The following RHPN2 variants were observed in gnomAD, a reference collection of about 807,000 sequenced individuals.
The protein encoded by RHPN2 is rhophilin Rho GTPase binding protein 2, also known as rhophilin-2.
In RHPN2, 40 loss-of-function variants were observed where a neutral mutation model predicts 79.0. The ratio of observed to expected loss-of-function variants is 0.51; its 90% CI spans 0.39 to 0.66. RHPN2 has a LOEUF of 0.66. Ranked by LOEUF, RHPN2 falls within the 30% of genes least tolerant of loss-of-function variation. The pLI is 0.00. For synonymous variants in RHPN2, 285 were observed against 363.5 expected (o/e 0.78, Z 2.46); for missense variants, 686 against 883.5 (o/e 0.78, Z 2.83).
chr19:32,996,240 C>T lies in RHPN2; in HGVS notation c.1226-20G>A, dbSNP rs774884481. ...ACTTCCCTGCAGACGGAAGCCAGCA[C>T]CCACGTGACTTGCAGATCCACCAAG... On this transcript the variant is annotated intron_variant, in intron 10 of 14. Transcript: ENST00000254260. 1.2e-6 allele frequency: 2 copies of T among 1,612,948 alleles called. No homozygotes were observed. The highest frequency in any genetic ancestry group is 1.7e-5 in the Admixed American group (1 of 59,970).
chr19:32,997,843 AAG>A (rs920710534), intron 10 of RHPN2, among the ~76,000 whole-genome samples: 3 of 152,168 alleles, frequency 2.0e-5, no homozygotes, highest in Non-Finnish European at 4.4e-5. Context: ...ATTGATGTGA[AAG>A]AGCAGCAGGT....
intron 2 of RHPN2, among the ~76,000 whole-genome samples, chr19:33,035,779 C>G (rs1972050860): frequency 6.6e-6 from 1 of 152,024 alleles, no homozygotes; most frequent in Non-Finnish European, 1.5e-5. Context: ...TCCAGATATC[C>G]CGATATCTGG....
intron 2 of RHPN2, among the ~76,000 whole-genome samples, chr19:33,042,578 G>C (rs1312405828): frequency 1.3e-5 from 2 of 152,168 alleles, no homozygotes; most frequent in South Asian, 2.1e-4. Context: ...AGCTGGAGAA[G>C]AGATTCCCAG....
At chr19:32,983,168 C>A (rs1236668088) in intron 14 of RHPN2, among the ~76,000 whole-genome samples, 1 of 151,288 alleles carries the variant, frequency 6.6e-6, no homozygotes, top group Non-Finnish European at 1.5e-5. Flanking sequence ...CACAAACACA[C>A]ACACACACAC....
chr19:33,034,251 T>TCA (rs1456067838), intron 2 of RHPN2, among the ~76,000 whole-genome samples: 2 of 151,490 alleles, frequency 1.3e-5, no homozygotes, highest in African/African-American at 4.8e-5. Flanking sequence ...GGTGGGCGGA[T>TCA]CACGAGGTCT....
rs959753354 is a variant in RHPN2, at chr19:33,023,400, C to T, written c.315-1754G>A. On this transcript the variant is annotated intron_variant, in intron 3 of 14. Transcript: ENST00000254260. ...AGTGAGCCAAGATCACGCCACTGCA[C>T]TCCAGGCCTGGGCAAAAGAGCGAGA... Among the ~76,000 whole-genome samples the T allele has an allele frequency of 2.7e-5, 4 of 147,520 alleles. No individual in the cohort carries two copies. The Admixed American group carries it at 2.8e-4, about 10-fold the overall frequency.
At chr19:33,006,214 A>G (rs548276491) in intron 7 of RHPN2, among the ~76,000 whole-genome samples, 1 of 151,978 alleles carries the variant, frequency 6.6e-6, no homozygotes, top group African/African-American at 2.4e-5. Flanking sequence ...AATTCTTTTT[A>G]GGGATGGAGT....
At position 33,037,081 on chromosome 19, in the gene RHPN2, G is replaced by A. The variant is rs58586828; in HGVS notation, c.185+7168C>T. Among the ~76,000 whole-genome samples, 68 of 152,280 alleles carry A rather than the reference G, an allele frequency of 4.5e-4. 1 individual carries two copies. The East Asian group carries it at 0.012, about 28-fold the overall frequency. The stretch of plus-strand genomic sequence containing the variant: ...CTGGGCTCCTGAGTCTGGTGGGGAC[G>A]TGGAGAACCTTTATGTCTAGCTAAG... On this transcript the variant is annotated intron_variant, in intron 2 of 14. Coordinates refer to ENST00000254260, the MANE Select transcript of RHPN2 (RefSeq NM_033103.5).
At chr19:33,063,808 ACCCGCCGCCCGCCG>A (rs56913749) in intron 1 of RHPN2, among the ~76,000 whole-genome samples, 2 of 131,148 alleles carry the variant, frequency 1.5e-5, no homozygotes, top group Admixed American at 7.6e-5. Context: ...GGCACCCGCC[ACCCGCCGCCCGCCG>A]CCCGCCGCCC....
chr19:33,002,751 A>G, intron 8 of RHPN2, 62 bp downstream of exon 8: 1 of 1,582,324 alleles, frequency 6.3e-7, no homozygotes, highest in Non-Finnish European at 8.7e-7. Flanking sequence ...CGCTACTTCC[A>G]GTGCTCCTGT....
rs969033916 is a variant in RHPN2 at position 33,033,863 on chromosome 19, G to A, written c.186-7231C>T. On this transcript the variant is annotated intron_variant, in intron 2 of 14. Transcript: ENST00000254260. ...GCCTGGGCAACAAGAGCGAAACTCCGTCTCAAAAAAGAAAAAATAAAATAA... is the reference window on the plus strand; with the variant it reads ...GCCTGGGCAACAAGAGCGAAACTCCATCTCAAAAAAGAAAAAATAAAATAA... 3.3e-5 allele frequency among the ~76,000 whole-genome samples: 5 copies of A among 151,802 alleles called. No homozygotes were observed. In the East Asian group the frequency reaches 5.8e-4, roughly 18 times the overall value.
intron 14 of RHPN2, among the ~76,000 whole-genome samples, chr19:32,986,267 G>A (rs1971612531): frequency 6.6e-6 from 1 of 152,332 alleles, no homozygotes; most frequent in South Asian, 2.1e-4. Flanking sequence ...ACCTCTCACA[G>A]GGGGCAGGGC....
At chr19:33,061,773 C>A (rs1464466618) in intron 1 of RHPN2, among the ~76,000 whole-genome samples, 5 of 151,934 alleles carry the variant, frequency 3.3e-5, no homozygotes, top group African/African-American at 4.8e-5. Context: ...TGTGAGCCAC[C>A]ACGCCTGGTC....
At chr19:33,007,608 T>C (rs1401866241) in intron 7 of RHPN2, among the ~76,000 whole-genome samples, 1 of 152,090 alleles carries the variant, frequency 6.6e-6, no homozygotes, top group African/African-American at 2.4e-5. Context: ...TTGGGAAAAG[T>C]TATTCTGCTC....
intron 2 of RHPN2, among the ~76,000 whole-genome samples, chr19:33,032,046 A>C (rs1290562681): frequency 3.1e-5 from 3 of 97,930 alleles, no homozygotes; most frequent in Non-Finnish European, 5.6e-5. Context: ...TTTGAGGCAG[A>C]GTCTCACTCT....
chr19:33,049,307 G>A (rs1387501424), intron 1 of RHPN2, among the ~76,000 whole-genome samples: 3 of 152,146 alleles, frequency 2.0e-5, no homozygotes, highest in African/African-American at 4.8e-5. Context: ...ACAAGGTGGC[G>A]GGTCCACCAT....
chr19:33,022,684 CTG>C (rs750798162), intron 3 of RHPN2, among the ~76,000 whole-genome samples: 6 of 152,168 alleles, frequency 3.9e-5, no homozygotes, highest in African/African-American at 4.8e-5. Context: ...GAAGCTCAGG[CTG>C]TGTTTTGCAA....
intron 14 of RHPN2, among the ~76,000 whole-genome samples, chr19:32,989,992 C>G (rs1286014067): frequency 6.6e-6 from 1 of 152,032 alleles, no homozygotes; most frequent in Non-Finnish European, 1.5e-5. Context: ...GTAGTCCCAC[C>G]TGCTTGGGAG....
At position 32,980,000 on chromosome 19, in the gene RHPN2, T is replaced by A; in HGVS notation, c.2057A>T (p.Tyr686Phe). The A allele has an allele frequency of 6.2e-7, 1 of 1,613,920 alleles. No homozygotes were observed. Among genetic ancestry groups the A allele is most frequent in the Non-Finnish European group, 8.5e-7 (1 of 1,179,846 alleles). The change falls in exon 15 of 15, where the codon TAC becomes TTC. Residue 686 changes from tyrosine (Y) to phenylalanine (F), a missense_variant. By Grantham distance (22) the Tyr-to-Phe change is conservative (BLOSUM62 3). Transcript: ENST00000254260. ...FSLLNSDSSWY is the reference protein window; with the variant it reads ...FSLLNSDSSWF ...GAACATGTTTGTTTCCTCACATTAGTACCAAGAACTGTCTGAGTTGAGAAG... is the reference window on the plus strand; with the variant it reads ...GAACATGTTTGTTTCCTCACATTAGAACCAAGAACTGTCTGAGTTGAGAAG...
Sources: allele counts gnomAD v4.1 joint callset (sites outside exome capture counted in the v4.1 genomes callset), GRCh38; gene constraint gnomAD v4.1.1; transcripts MANE v1.5; gene names NCBI Gene and HGNC (gene_info 2026-07-23, HGNC 2026-07-21).